The following PTPA variants were observed in gnomAD, a reference collection of about 807,000 sequenced individuals.
PTPA encodes serine/threonine-protein phosphatase 2A activator.
In PTPA, 13 loss-of-function variants were observed where a neutral mutation model predicts 43.6. That is an observed-to-expected ratio of 0.30 (90% CI 0.19 to 0.47). PTPA has a LOEUF of 0.47. PTPA is among the 20% of genes least tolerant of loss of function. The probability of loss-of-function intolerance (pLI) is 0.99; values close to 1 mark genes in which losing one functional copy is unlikely to be tolerated. For synonymous variants in PTPA, 172 were observed against 158.2 expected, an observed-to-expected ratio of 1.09 and a Z score of -0.66; for missense variants, 329 against 411.9, an observed-to-expected ratio of 0.80 and a Z score of 1.74.
intron 1 of PTPA, among the ~76,000 whole-genome samples, chr9:129,115,758 G>T (rs1054147262): frequency 4.0e-5 from 6 of 151,504 alleles, no homozygotes; most frequent in African/African-American, 1.5e-4. Context: ...TCCTGCCTCA[G>T]CCTCCCGAGT....
chr9:129,118,459 C>G (rs1849038772), intron 1 of PTPA, among the ~76,000 whole-genome samples: 1 of 152,118 alleles, frequency 6.6e-6, no homozygotes, highest in African/African-American at 2.4e-5. Flanking sequence ...ACTGCAACCT[C>G]TGCCTCCTGG....
intron 7 of PTPA, among the ~76,000 whole-genome samples, chr9:129,136,870 T>C (rs999428112): frequency 1.3e-5 from 2 of 152,190 alleles, no homozygotes; most frequent in African/African-American, 4.8e-5. Context: ...GCACGCCTGG[T>C]GCATAATGGA....
intron 3 of PTPA, 124 bp from the exon 4 acceptor site, chr9:129,128,861 T>G: frequency 4.4e-6 from 5 of 1,148,346 alleles, no homozygotes; most frequent in Non-Finnish European, 6.2e-6. Flanking sequence ...GAAAGAGGGA[T>G]GGGGGAGAGT....
chr9:129,142,406 C>T (rs1176617074), intron 8 of PTPA, 39 bp from the exon 9 acceptor site: 2 of 1,535,616 alleles, frequency 1.3e-6, no homozygotes, highest in African/African-American at 2.8e-5. Context: ...AGCTCCCAGC[C>T]AGAACCTGTC....
At chr9:129,147,247 G>T in intron 9 of PTPA, 140 bp from the exon 10 acceptor site, 1 of 710,468 alleles carries the variant, frequency 1.4e-6, no homozygotes, top group Non-Finnish European at 2.4e-6. Flanking sequence ...AGGAACTGGG[G>T]GAGGAAGGCC....
intron 8 of PTPA, chr9:129,142,143 T>C (rs1006733893): frequency 6.5e-6 from 2 of 308,450 alleles, no homozygotes; most frequent in Non-Finnish European, 5.9e-6. Context: ...CAGGCCCCCT[T>C]TTTTTGGCTG....
At chr9:129,142,175 C>T (rs1850905896) in intron 8 of PTPA, 2 of 368,134 alleles carry the variant, frequency 5.4e-6, no homozygotes, top group South Asian at 9.8e-5. Flanking sequence ...GGGGTGACTG[C>T]GGGTAGGTGG....
At chr9:129,139,070 C>T (rs1238169613) in intron 8 of PTPA, among the ~76,000 whole-genome samples, 6 of 152,186 alleles carry the variant, frequency 3.9e-5, no homozygotes, top group Non-Finnish European at 7.3e-5. Flanking sequence ...AGATGCCACA[C>T]TGAGTTCTTG....
At chr9:129,117,393 CCTAT>C (rs1024535177) in intron 1 of PTPA, among the ~76,000 whole-genome samples, 3 of 151,524 alleles carry the variant, frequency 2.0e-5, no homozygotes, top group South Asian at 2.1e-4. Context: ...ATTATGTGGG[CCTAT>C]CTTTTTTTTC....
chr9:129,135,800 GA>G (rs1850328279), intron 6 of PTPA, among the ~76,000 whole-genome samples: 1 of 152,192 alleles, frequency 6.6e-6, no homozygotes, highest in South Asian at 2.1e-4. Context: ...TGATAATATA[GA>G]AGGTTGGAAC....
Position 129,131,518 on chromosome 9 carries a change from C to G in PTPA, c.343-4C>G. The G allele has an allele frequency of 6.2e-7, 1 of 1,612,914 alleles. No individual in the cohort carries two copies. Among genetic ancestry groups the G allele is most frequent in the South Asian group, 1.1e-5 (1 of 91,034 alleles). Reference sequence around the variant, plus strand: ...CCACCACTTTGTGTCTCTTGTGTTACCAGGAAGCAGAAAACTTGGTGGCCA... The same window carrying G: ...CCACCACTTTGTGTCTCTTGTGTTAGCAGGAAGCAGAAAACTTGGTGGCCA... On this transcript the variant is annotated splice_polypyrimidine_tract_variant and splice_region_variant and intron_variant, in intron 4 of 9. Coordinates refer to ENST00000393370, the MANE Select transcript of PTPA (RefSeq NM_178000.3).
At chr9:129,116,384 C>CT (rs142067473) in intron 1 of PTPA, among the ~76,000 whole-genome samples, 24,784 of 107,188 alleles carry the variant, frequency 0.23, 3,981 homozygotes, top group Non-Finnish European at 0.25. Flanking sequence ...GACAGGGTTT[C>CT]TTTTTTTTTT....
At chr9:129,130,297 T>C (rs982080618) in intron 4 of PTPA, among the ~76,000 whole-genome samples, 3 of 152,136 alleles carry the variant, frequency 2.0e-5, no homozygotes, top group Non-Finnish European at 4.4e-5. Flanking sequence ...GGGTCCTAAT[T>C]GCTCTGGCCC....
intron 6 of PTPA, among the ~76,000 whole-genome samples, chr9:129,136,102 G>T (rs959550603): frequency 6.6e-6 from 1 of 152,038 alleles, no homozygotes; most frequent in Non-Finnish European, 1.5e-5. Context: ...AGAGTAGCTG[G>T]GACCACAGGC....
chr9:129,131,655 G>A lies in PTPA; in HGVS notation c.460+16G>A, dbSNP rs201583254. On this transcript the variant is annotated intron_variant, in intron 5 of 9. Transcript: ENST00000393370. ...TACGGCACAGGTATCTGCTGCTTGT[G>A]GGGCTCTGTACTTATCTAGCTTCAC... 28 of 1,608,916 alleles carry A rather than the reference G, an allele frequency of 1.7e-5. No individual in the cohort carries two copies. Among genetic ancestry groups the A allele is most frequent in the Admixed American group, 6.7e-5 (4 of 59,998 alleles).
upstream of PTPA, chr9:129,111,286 GC>G: frequency 8.4e-7 from 1 of 1,187,440 alleles, no homozygotes; most frequent in Non-Finnish European, 1.0e-6. Context: ...GCGGCCGTGA[GC>G]GGTCCTAGCG....
At chr9:129,146,602 G>T (rs1220233617) in intron 9 of PTPA, among the ~76,000 whole-genome samples, 1 of 152,208 alleles carries the variant, frequency 6.6e-6, no homozygotes, top group Non-Finnish European at 1.5e-5. Flanking sequence ...TCCAACCCTC[G>T]CATGCCCAGA....
At chr9:129,120,212 C>T (rs952765274) in intron 1 of PTPA, among the ~76,000 whole-genome samples, 1 of 151,692 alleles carries the variant, frequency 6.6e-6, no homozygotes, top group Non-Finnish European at 1.5e-5. Context: ...GAGCTGAGAT[C>T]GCGCCACTGC....
At chr9:129,142,815 C>A (rs1296302057) in intron 9 of PTPA, 1 of 1,534,800 alleles carries the variant, frequency 6.5e-7, no homozygotes, top group South Asian at 1.2e-5. Context: ...GAGGCAAGGA[C>A]CTGCTGCATG....
Sources: gnomAD v4.1 joint callset for allele counts (sites outside exome capture counted in the v4.1 genomes callset) on GRCh38, gnomAD v4.1.1 for gene constraint, MANE v1.5 for transcripts, NCBI Gene and HGNC (gene_info 2026-07-23, HGNC 2026-07-21) for gene names.